The following MTA3 variants were observed in gnomAD, a reference collection of about 807,000 sequenced individuals.
The protein encoded by MTA3 is metastasis associated 1 family member 3.
MTA3 carries 34 observed loss-of-function variants against 83.5 expected under a neutral mutation model. The observed-to-expected ratio is 0.41, with a 90% CI of 0.31 to 0.54. The LOEUF is 0.54. MTA3 is among the 20% of genes least tolerant of loss of function. The pLI, the probability that MTA3 is intolerant of heterozygous loss-of-function variation, is 0.33. For missense variants in MTA3, 761 were observed against 726.4 expected (o/e 1.05, Z -0.55); for synonymous variants, 303 against 252.7 (o/e 1.20, Z -1.89).
intron 4 of MTA3, among the ~76,000 whole-genome samples, chr2:42,615,265 T>C (rs1189638715): frequency 1.3e-5 from 2 of 151,780 alleles, no homozygotes; most frequent in Admixed American, 6.6e-5. Flanking sequence ...TTTTTCTTTT[T>C]TTTTTTTTTA....
At chr2:42,619,897 C>G (rs1247123786) in intron 4 of MTA3, among the ~76,000 whole-genome samples, 1 of 152,074 alleles carries the variant, frequency 6.6e-6, no homozygotes, top group Non-Finnish European at 1.5e-5. Flanking sequence ...TTCTAGAACG[C>G]TGTGCATTCA....
intron 3 of MTA3, among the ~76,000 whole-genome samples, chr2:42,592,903 C>T (rs1681203947): frequency 6.6e-6 from 1 of 152,074 alleles, no homozygotes; most frequent in African/African-American, 2.4e-5. Context: ...GTAATCCCAC[C>T]ACTTGGGGAG....
chr2:42,639,147 G>A (rs1687471885), intron 4 of MTA3, among the ~76,000 whole-genome samples: 1 of 150,510 alleles, frequency 6.6e-6, no homozygotes, highest in Non-Finnish European at 1.5e-5. Flanking sequence ...TGCAACCTCT[G>A]CCTCTGGGGT....
At chr2:42,621,529 C>G (rs1360710632) in intron 4 of MTA3, among the ~76,000 whole-genome samples, 3 of 152,248 alleles carry the variant, frequency 2.0e-5, no homozygotes, top group Admixed American at 2.0e-4. Flanking sequence ...ATGTCTACTT[C>G]TTTCTACACA....
chr2:42,531,403 C>A (rs1267130504), intron 2 of MTA3, among the ~76,000 whole-genome samples: 4 of 139,914 alleles, frequency 2.9e-5, no homozygotes, highest in African/African-American at 1.1e-4. Flanking sequence ...AGAGTGGATG[C>A]TTTAAACAAT....
chr2:42,659,707 A>G, intron 7 of MTA3, 56 bp from the exon 8 acceptor site: 1 of 1,339,982 alleles, frequency 7.5e-7, no homozygotes, highest in Non-Finnish European at 9.8e-7. Flanking sequence ...AAACGTTAAA[A>G]AAACAAACCA....
chr2:42,537,248 A>G (rs1219619305), intron 2 of MTA3, among the ~76,000 whole-genome samples: 3 of 152,184 alleles, frequency 2.0e-5, no homozygotes, highest in Admixed American at 6.6e-5. Context: ...GTTGGGGAAC[A>G]AGCTACCTGA....
At chr2:42,640,745 A>G (rs1188438188) in intron 5 of MTA3, among the ~76,000 whole-genome samples, 2 of 152,234 alleles carry the variant, frequency 1.3e-5, no homozygotes, top group African/African-American at 4.8e-5. Context: ...CATGGAAAGG[A>G]GGAAATTTTT....
chr2:42,663,729 T>C (rs1689953181), intron 8 of MTA3, among the ~76,000 whole-genome samples: 1 of 152,198 alleles, frequency 6.6e-6, no homozygotes, highest in Non-Finnish European at 1.5e-5. Flanking sequence ...CATCCCAATG[T>C]AGGCAACAGA....
chr2:42,754,214 T>G lies in MTA3; in HGVS notation c.*815T>G, dbSNP rs1200897377. On this transcript the variant is annotated 3_prime_UTR_variant, in exon 17 of 17. Coordinates refer to ENST00000405094, the MANE Select transcript of MTA3 (RefSeq NM_001330442.2). ...CCGTTTGCTTACTGCCCTGTTCCCT[T>G]GCAGCCAAACCAGCTGATGAAGAAC... 13 of 985,362 alleles carry G rather than the reference T, an allele frequency of 1.3e-5. No individual in the cohort carries two copies. The highest frequency in any genetic ancestry group is 1.6e-5 in the Non-Finnish European group (13 of 829,976). The allele number at this position is 985,362 out of a possible 1,614,324, so 61.0% of individuals were successfully genotyped here.
rs570419577 is a variant in MTA3, at chr2:42,729,741, G to T, written c.1759+6706G>T. ...CAGATGAAGTGATTTTTCCAGTTTT[G>T]TTCCTTTTGTTCAGAATAGCTTTGG... is the stretch of plus-strand genomic sequence containing the variant. On this transcript the variant is annotated intron_variant, in intron 16 of 16. Coordinates refer to ENST00000405094, the MANE Select transcript of MTA3 (RefSeq NM_001330442.2). Among the ~76,000 whole-genome samples the T allele has an allele frequency of 2.6e-5, 4 of 152,200 alleles. No homozygotes were observed. In the East Asian group the frequency reaches 5.8e-4, roughly 22 times the overall value.
At chr2:42,523,986 G>C (rs1572920052) in intron 2 of MTA3, among the ~76,000 whole-genome samples, 1 of 151,534 alleles carries the variant, frequency 6.6e-6, no homozygotes, top group East Asian at 1.9e-4. Flanking sequence ...TTTTTAAAAA[G>C]AAAAAAAACC....
Position 42,690,554 on chromosome 2 carries a change from A to G in MTA3, c.892-5211A>G, listed in dbSNP as rs1001326114. 2.0e-5 allele frequency among the ~76,000 whole-genome samples: 3 copies of G among 150,322 alleles called. No homozygotes were observed. The South Asian group carries it at 6.3e-4, about 31-fold the overall frequency. On this transcript the variant is annotated intron_variant, in intron 9 of 16. Coordinates refer to ENST00000405094, the MANE Select transcript of MTA3 (RefSeq NM_001330442.2). ...TAGAGCTGTTTTTTTGTTTTCCATTAATTTTGAGTAATTCTTAGCCATTTT... is the reference window on the plus strand; with the variant it reads ...TAGAGCTGTTTTTTTGTTTTCCATTGATTTTGAGTAATTCTTAGCCATTTT...
chr2:42,549,219 TATATATTATATATGTATACGTATATA>T (rs1452301688), intron 2 of MTA3, among the ~76,000 whole-genome samples: 1 of 136,304 alleles, frequency 7.3e-6, no homozygotes, highest in African/African-American at 2.7e-5. Context: ...ATTATATTTG[TATATATTATATATGTATACGTATATA>T]ATATATTATA....
At chr2:42,647,644 CTT>C (rs1254218561) in intron 6 of MTA3, among the ~76,000 whole-genome samples, 2 of 151,516 alleles carry the variant, frequency 1.3e-5, no homozygotes, top group African/African-American at 4.8e-5. Flanking sequence ...CATTTTATAA[CTT>C]GGTAGTTTTC....
intron 3 of MTA3, among the ~76,000 whole-genome samples, chr2:42,594,336 A>C (rs561460909): frequency 6.7e-6 from 1 of 148,442 alleles, no homozygotes; most frequent in East Asian, 2.0e-4. Flanking sequence ...TCCCGGGCTC[A>C]AGCAATTCTT....
At chr2:42,679,023 G>A (rs985884436) in intron 8 of MTA3, among the ~76,000 whole-genome samples, 1 of 152,082 alleles carries the variant, frequency 6.6e-6, no homozygotes, top group African/African-American at 2.4e-5. Context: ...TAACAAACAA[G>A]GAAAGTGAGT....
At chr2:42,518,746 G>C (rs1238487544) in intron 2 of MTA3, among the ~76,000 whole-genome samples, 1 of 152,024 alleles carries the variant, frequency 6.6e-6, no homozygotes, top group Non-Finnish European at 1.5e-5. Context: ...GGAGGCTGAG[G>C]CAGGAGCCCA....
In MTA3 at chr2:42,644,146, T is replaced by A. The variant is rs1369177652; in HGVS notation, c.401T>A (p.Leu134Ter). 6.2e-7 allele frequency: 1 copy of A among 1,604,716 alleles called. No homozygotes were observed. The highest frequency in any genetic ancestry group is 8.5e-7 in the Non-Finnish European group (1 of 1,175,898). The change falls in exon 6 of 17, where the codon TTG becomes TAG. Residue 134 changes from leucine (L) to a stop codon, truncating the protein, a stop_gained. Coordinates refer to ENST00000405094, the MANE Select transcript of MTA3 (RefSeq NM_001330442.2). LOFTEE classifies it high-confidence loss of function. ...LDKEDTFFYS[L>*]VYDPSLKTLL... ...TTTCAGGATACCTTCTTCTACTCAT[T>A]GGTCTATGACCCCTCATTGAAAACA...
Sources: allele counts gnomAD v4.1 joint callset (sites outside exome capture counted in the v4.1 genomes callset), GRCh38; gene constraint gnomAD v4.1.1; transcripts MANE v1.5; gene names NCBI Gene and HGNC (gene_info 2026-07-23, HGNC 2026-07-21).